The following ACVR1B variants were observed in gnomAD, a reference collection of about 807,000 sequenced individuals.
ACVR1B encodes the protein activin receptor type-1B.
ACVR1B carries 15 observed loss-of-function variants against 55.6 expected under a neutral mutation model. That is an observed-to-expected ratio of 0.27 (90% CI 0.18 to 0.42). The LOEUF (loss-of-function observed/expected upper bound fraction) is 0.42. Ranked by LOEUF, ACVR1B falls within the 10% of genes least tolerant of loss-of-function variation. The pLI, the probability that ACVR1B is intolerant of heterozygous loss-of-function variation, is 1.00. For synonymous variants in ACVR1B, 247 were observed against 254.6 expected, an observed-to-expected ratio of 0.97 and a Z score of 0.28; for missense variants, 359 against 670.1, an observed-to-expected ratio of 0.54 and a Z score of 5.13.
intron 1 of ACVR1B, among the ~76,000 whole-genome samples, chr12:51,966,738 C>T (rs1382436280): frequency 1.3e-5 from 2 of 152,132 alleles, no homozygotes; most frequent in Non-Finnish European, 2.9e-5. Context: ...TGTGAGCCAC[C>T]GTGCCCTTCT....
At position 51,955,109 on chromosome 12, in the gene ACVR1B, C is replaced by T. The variant is rs749027434; in HGVS notation, c.91+3275C>T. ...TGGTTTGGCAACGTTTTAATTCTTA[C>T]GCAACTCTGGGTATGTTTATGGCAC... On this transcript the variant is annotated intron_variant, in intron 1 of 8. Coordinates refer to ENST00000257963, the MANE Select transcript of ACVR1B (RefSeq NM_004302.5). Among the ~76,000 whole-genome samples, 18 of 152,278 alleles carry T rather than the reference C, an allele frequency of 1.2e-4. No individual in the cohort carries two copies. In the South Asian group the frequency reaches 2.3e-3, roughly 19 times the overall value.
intron 7 of ACVR1B, among the ~76,000 whole-genome samples, chr12:51,990,517 T>C (rs1592262729): frequency 6.6e-6 from 1 of 151,972 alleles, no homozygotes; most frequent in African/African-American, 2.4e-5. Flanking sequence ...GGTTTTGCCA[T>C]GTTGCCCAGG....
intron 3 of ACVR1B, 129 bp from the exon 4 acceptor site, chr12:51,980,840 C>G (rs189256119): frequency 8.1e-6 from 6 of 741,732 alleles, no homozygotes; most frequent in African/African-American, 7.1e-5. Context: ...CAGCAGCTCT[C>G]CATGGTTAAT....
rs562905372 is a variant in ACVR1B at position 51,982,848 on chromosome 12, A to G, written c.812-1151A>G. On this transcript the variant is annotated intron_variant, in intron 4 of 8. Transcript: ENST00000257963. ...TTTAAAACTATCACCTTTTGATAAA[A>G]TTTAAATCTTATATGTTTTAAAAGG... The G allele has an allele frequency of 4.1e-6, 6 of 1,461,778 alleles. No individual in the cohort carries two copies. The East Asian group carries it at 7.6e-5, about 19-fold the overall frequency. 90.6% of individuals were successfully genotyped at this position (1,461,778 alleles called of 1,614,324 possible).
In ACVR1B at chr12:51,996,310, G is replaced by A. The variant is rs1180699704; in HGVS notation, c.*2200G>A. ...CCAGCAGTTCTCTGCCAAAGCTTGT[G>A]GAGGAGGGAGAGCCCTGTCCCTGCC... is the stretch of plus-strand genomic sequence containing the variant. On this transcript the variant is annotated 3_prime_UTR_variant, in exon 9 of 9. Transcript: ENST00000257963. The A allele has an allele frequency of 6.5e-6, 1 of 152,718 alleles. No homozygotes were observed. Among genetic ancestry groups the A allele is most frequent in the East Asian group, 1.9e-4 (1 of 5,188 alleles). The allele number at this position is 152,718 out of a possible 1,614,324, so 9.5% of individuals were successfully genotyped here. A position where few individuals can be genotyped will look rare whatever the true frequency, so the allele number is the denominator to read the frequency against.
intron 1 of ACVR1B, among the ~76,000 whole-genome samples, chr12:51,952,401 C>T (rs992649932): frequency 2.6e-5 from 4 of 152,184 alleles, no homozygotes; most frequent in African/African-American, 7.2e-5. Flanking sequence ...CCCTCCACTG[C>T]CTCCCTAATG....
At chr12:51,967,646 C>T (rs899765581) in intron 1 of ACVR1B, among the ~76,000 whole-genome samples, 2 of 152,226 alleles carry the variant, frequency 1.3e-5, no homozygotes, top group African/African-American at 4.8e-5. Context: ...GAATGTCTGG[C>T]ATTTAATTGT....
chr12:51,983,037 G>A (rs1942010227), intron 4 of ACVR1B, among the ~76,000 whole-genome samples: 1 of 152,174 alleles, frequency 6.6e-6, no homozygotes, highest in Admixed American at 6.5e-5. Flanking sequence ...CTGGCAGCTT[G>A]TGTGAGTAGG....
In ACVR1B at chr12:51,993,765, TAAAAAAAAAAAAAAAAAAA is replaced by T. The variant is rs869161100; in HGVS notation, c.1393-199_1393-181del. ...CTGGGTGACAGAGTGAGACTCCTTCTAAAAAAAAAAAAAAAAAAAAAAAAAAAAAAAAAAAAAAAGGAAG... is the reference window on the plus strand; with the variant it reads ...CTGGGTGACAGAGTGAGACTCCTTCTAAAAAAAAAAAAAAAAAAAAGGAAG... On this transcript the variant is annotated intron_variant, in intron 8 of 8. Transcript: ENST00000257963. 3.6e-3 allele frequency among the ~76,000 whole-genome samples: 108 copies of T among 29,766 alleles called. 2 individuals carry two copies. Among genetic ancestry groups the T allele is most frequent in the East Asian group, 0.012 (9 of 782 alleles). 19.5% of individuals were successfully genotyped at this position (29,766 alleles called of 152,430 possible).
At chr12:51,982,021 T>C (rs974844877) in intron 4 of ACVR1B, among the ~76,000 whole-genome samples, 7 of 152,194 alleles carry the variant, frequency 4.6e-5, no homozygotes, top group Non-Finnish European at 8.8e-5. Context: ...TTTTATTGCT[T>C]TAGTTTTTGA....
At chr12:51,990,159 T>G (rs2120743880) in intron 7 of ACVR1B, among the ~76,000 whole-genome samples, 1 of 151,464 alleles carries the variant, frequency 6.6e-6, no homozygotes, top group Admixed American at 6.6e-5. Flanking sequence ...CCGGGCATGG[T>G]GGCAGGCACC....
chr12:51,990,883 G>T (rs1288449550), intron 7 of ACVR1B, among the ~76,000 whole-genome samples: 2 of 152,118 alleles, frequency 1.3e-5, no homozygotes, highest in East Asian at 3.9e-4. Context: ...ACTCTTCCTG[G>T]TATTTCCTAT....
chr12:51,983,557 C>A (rs981449507), intron 4 of ACVR1B, among the ~76,000 whole-genome samples: 2 of 152,224 alleles, frequency 1.3e-5, no homozygotes, highest in Non-Finnish European at 2.9e-5. Flanking sequence ...ACAGGAGGCC[C>A]TCCAAGGCTT....
At chr12:51,957,897 T>C (rs538812403) in intron 1 of ACVR1B, among the ~76,000 whole-genome samples, 3 of 152,208 alleles carry the variant, frequency 2.0e-5, no homozygotes, top group Admixed American at 6.5e-5. Context: ...TGGGGGACCA[T>C]TTTATACAGC....
At chr12:51,979,986 G>C (rs1422467781) in intron 3 of ACVR1B, among the ~76,000 whole-genome samples, 1 of 152,048 alleles carries the variant, frequency 6.6e-6, no homozygotes, top group Non-Finnish European at 1.5e-5. Context: ...ACATTTTGGT[G>C]GTTCTATACT....
chr12:51,993,225 A>G (rs1039872048), intron 8 of ACVR1B, among the ~76,000 whole-genome samples: 2 of 152,226 alleles, frequency 1.3e-5, no homozygotes, highest in African/African-American at 4.8e-5. Flanking sequence ...TTAGAGCCCC[A>G]GAACTTACCT....
chr12:51,987,107 A>G (rs747337613), intron 7 of ACVR1B, 165 bp downstream of exon 7: 22 of 918,702 alleles, frequency 2.4e-5, no homozygotes. Flanking sequence ...AGCTGTGCTT[A>G]GGGTGCGTTT....
chr12:51,980,499 G>A lies in ACVR1B; in HGVS notation c.581-470G>A, dbSNP rs531325691. Among the ~76,000 whole-genome samples the A allele has an allele frequency of 3.3e-5, 5 of 152,270 alleles. No individual in the cohort carries two copies. The South Asian group carries it at 8.3e-4, about 25-fold the overall frequency. ...CTTTGGAGATGGGAACCCATGGGCC[G>A]CACAGCACTGCCCTCTAGTGGCTAA... On this transcript the variant is annotated intron_variant, in intron 3 of 8. Transcript: ENST00000257963.
chr12:51,986,698 C>A, intron 6 of ACVR1B, 120 bp from the exon 7 acceptor site: 1 of 1,375,556 alleles, frequency 7.3e-7, no homozygotes, highest in African/African-American at 1.4e-5. Flanking sequence ...TTCTTCTGCC[C>A]CAAGGGACTT....
Sources: gnomAD v4.1 joint callset for allele counts (sites outside exome capture counted in the v4.1 genomes callset) on GRCh38, gnomAD v4.1.1 for gene constraint, MANE v1.5 for transcripts, NCBI Gene and HGNC (gene_info 2026-07-23, HGNC 2026-07-21) for gene names.